Variants in ETV7 observed in about 807,000 individuals in gnomAD.
ETV7 encodes ETS variant transcription factor 7.
Under a neutral mutation model 39.1 loss-of-function variants are expected in ETV7, and 43 were observed. The observed-to-expected ratio is 1.10, with a 90% CI of 0.86 to 1.42. ETV7 has a LOEUF of 1.42. ETV7 is among the 40% of genes most tolerant of loss of function. The probability of loss-of-function intolerance (pLI) is 0.00; values close to 1 mark genes in which losing one functional copy is unlikely to be tolerated. For synonymous variants in ETV7, 196 were observed against 176.6 expected, an observed-to-expected ratio of 1.11 and a Z score of -0.87; for missense variants, 432 against 442.3, an observed-to-expected ratio of 0.98 and a Z score of 0.21.
chr6:36,379,587 A>AAG (rs1773551801), intron 2 of ETV7, among the ~76,000 whole-genome samples: 1 of 143,992 alleles, frequency 6.9e-6, no homozygotes, highest in African/African-American at 2.6e-5. Flanking sequence ...AGAAGAAGAA[A>AAG]AAGAAGAAGG....
At chr6:36,361,753 A>C (rs141164978), downstream of ETV7, among the ~76,000 whole-genome samples, 181 of 152,366 alleles carry the variant, frequency 1.2e-3, 1 homozygote, top group African/African-American at 4.3e-3. Flanking sequence ...TTCATTAATG[A>C]ACTTTTTATT....
chr6:36,378,576 G>A (rs530199783), intron 2 of ETV7, among the ~76,000 whole-genome samples: 191 of 152,258 alleles, frequency 1.3e-3, no homozygotes, highest in African/African-American at 4.5e-3. Flanking sequence ...ACAGATAAAA[G>A]GTTAATGCCT....
intron 5 of ETV7, 101 bp downstream of exon 5, chr6:36,371,229 C>T: frequency 8.6e-7 from 1 of 1,165,178 alleles, no homozygotes; most frequent in Non-Finnish European, 1.2e-6. Context: ...AGCCACAGAC[C>T]TCCCATCACC....
At position 36,375,999 on chromosome 6, in the gene ETV7, A is replaced by G; in HGVS notation, c.179T>C (p.Leu60Pro). 6.2e-7 allele frequency: 1 copy of G among 1,609,940 alleles called. No homozygotes were observed. The highest frequency in any genetic ancestry group is 8.5e-7 in the Non-Finnish European group (1 of 1,179,900). The change falls in exon 3 of 8, where the codon CTG (leucine) becomes CCG (proline). Residue 60 changes from leucine to proline, a missense_variant. Physicochemically the swap from Leu to Pro is moderately conservative, Grantham distance 98. Coordinates refer to ENST00000340181, the MANE Select transcript of ETV7 (RefSeq NM_016135.4). ...QPALWSREDV[L>P]HWLRWAEQEY... Reference sequence around the variant, plus strand: ...CTGCTCTGCCCAGCGCAGCCAGTGCAGCACGTCCTCCCTGCTCCACAGTGC... The same window carrying G: ...CTGCTCTGCCCAGCGCAGCCAGTGCGGCACGTCCTCCCTGCTCCACAGTGC...
intron 2 of ETV7, among the ~76,000 whole-genome samples, chr6:36,380,692 TAA>T (rs1773607909): frequency 2.6e-5 from 4 of 152,236 alleles, no homozygotes; most frequent in Admixed American, 2.6e-4. Context: ...AACTAGAATG[TAA>T]GCTCCAGGAG....
intron 2 of ETV7, among the ~76,000 whole-genome samples, chr6:36,383,215 G>A (rs1885205): frequency 0.9 from 137,327 of 152,188 alleles, 62,268 homozygotes; most frequent in African/African-American, 0.97. Flanking sequence ...GCCATGGACC[G>A]GGGATGGGGA....
chr6:36,368,336 GAT>G (rs1772828799), intron 6 of ETV7, among the ~76,000 whole-genome samples: 1 of 152,098 alleles, frequency 6.6e-6, no homozygotes, highest in South Asian at 2.1e-4. Flanking sequence ...TTCTTTAAAA[GAT>G]TTTTTTTACT....
At chr6:36,377,272 G>A (rs1773424791) in intron 2 of ETV7, among the ~76,000 whole-genome samples, 1 of 152,110 alleles carries the variant, frequency 6.6e-6, no homozygotes, top group African/African-American at 2.4e-5. Flanking sequence ...ACCAGCCTGA[G>A]CAACTTGGTA....
In ETV7 at chr6:36,373,484, C is replaced by T. The variant is rs770368469; in HGVS notation, c.402G>A (p.Thr134=). 2.2e-5 allele frequency: 34 copies of T among 1,580,564 alleles called. No individual in the cohort carries two copies. The highest frequency in any genetic ancestry group is 1.3e-4 in the South Asian group (11 of 85,486). ...PFFGGIFRLK[T]PTQHSPVPPE... ...GGGGGACTGGAGAGTGCTGGGTGGG[C>T]GTCTTCAGCCTGAAGATCCCTCCAA... The change falls in exon 4 of 8, where the codon ACG becomes ACA. Residue 134 remains threonine (T), a synonymous_variant. Coordinates refer to ENST00000340181, the MANE Select transcript of ETV7 (RefSeq NM_016135.4).
At position 36,381,055 on chromosome 6, in the gene ETV7, C is replaced by G. The variant is rs567306324; in HGVS notation, c.142+4479G>C. Reference sequence around the variant, plus strand: ...TATTTCCCACCACTTCCCACCACACCCCTGCAGTTTACTGGGTCTAGTGAG... The same window carrying G: ...TATTTCCCACCACTTCCCACCACACGCCTGCAGTTTACTGGGTCTAGTGAG... On this transcript the variant is annotated intron_variant, in intron 2 of 7. Coordinates refer to ENST00000340181, the MANE Select transcript of ETV7 (RefSeq NM_016135.4). 3.3e-5 allele frequency among the ~76,000 whole-genome samples: 5 copies of G among 152,300 alleles called. No individual in the cohort carries two copies. The East Asian group carries it at 9.7e-4, about 29-fold the overall frequency.
chr6:36,371,530 C>A lies in ETV7; in HGVS notation c.464G>T (p.Arg155Leu). 6.2e-7 allele frequency: 1 copy of A among 1,601,688 alleles called. No individual in the cohort carries two copies. ...EVTGPSQMDT[R>L]RGHLLQPPDP... ...TGGTGGCTGCAGCAGGTGGCCCCTT[C>A]GGGTGTCCATCTGAGAGGGGCCAGT... is the stretch of plus-strand genomic sequence containing the variant. The change falls in exon 5 of 8, where the codon CGA becomes CTA. Residue 155 changes from arginine to leucine, a missense_variant. Physicochemically the swap from Arg to Leu is moderately radical, Grantham distance 102. Transcript: ENST00000340181.
At chr6:36,374,640 G>T in intron 3 of ETV7, among the ~76,000 whole-genome samples, 1 of 152,212 alleles carries the variant, frequency 6.6e-6, no homozygotes, top group East Asian at 1.9e-4. Context: ...TCAGGGCTGT[G>T]GGGAAGCTGG....
chr6:36,374,217 G>A (rs12527044), intron 3 of ETV7, among the ~76,000 whole-genome samples: 1 of 151,846 alleles, frequency 6.6e-6, no homozygotes. Flanking sequence ...AATCAGCTGG[G>A]TATGGTGCGC....
At chr6:36,358,036 G>A (rs1177983237) in intron 7 of ETV7, among the ~76,000 whole-genome samples, 6 of 152,188 alleles carry the variant, frequency 3.9e-5, no homozygotes. Context: ...TCATGGGGAA[G>A]ATCCCTCCCC....
At chr6:36,386,656 C>T (rs1773916517) in intron 1 of ETV7, among the ~76,000 whole-genome samples, 1 of 152,198 alleles carries the variant, frequency 6.6e-6, no homozygotes, top group Admixed American at 6.5e-5. Flanking sequence ...AGATATCTGC[C>T]GAGAGAGAAT....
chr6:36,375,765 C>T (rs1372665258), intron 3 of ETV7, 106 bp downstream of exon 3: 1 of 1,564,176 alleles, frequency 6.4e-7, no homozygotes, highest in African/African-American at 1.3e-5. Flanking sequence ...GCATGATTCC[C>T]CAAGGAAGAC....
chr6:36,375,156 C>T (rs1362590736), intron 3 of ETV7, among the ~76,000 whole-genome samples: 4 of 151,836 alleles, frequency 2.6e-5, no homozygotes, highest in South Asian at 2.1e-4. Flanking sequence ...GATTTCAGAA[C>T]GTCTCTTTGC....
At chr6:36,363,307 G>A (rs142192807), downstream of ETV7, among the ~76,000 whole-genome samples, 2 of 152,170 alleles carry the variant, frequency 1.3e-5, no homozygotes, top group Non-Finnish European at 2.9e-5. Context: ...GCTGGCTCAG[G>A]AGTGAAGCTG....
At chr6:36,361,265 G>A (rs1023386808), downstream of ETV7, among the ~76,000 whole-genome samples, 5 of 152,220 alleles carry the variant, frequency 3.3e-5, no homozygotes, top group African/African-American at 1.2e-4. Context: ...CACTGAGGGA[G>A]CTCGCCAGCA....
Sources: allele counts gnomAD v4.1 joint callset (sites outside exome capture counted in the v4.1 genomes callset), GRCh38; gene constraint gnomAD v4.1.1; transcripts MANE v1.5; gene names NCBI Gene and HGNC (gene_info 2026-07-23, HGNC 2026-07-21).